Variants in BZW2 observed in about 807,000 individuals in gnomAD.
BZW2 encodes eIF5-mimic protein 1.
BZW2 carries 23 observed loss-of-function variants against 53.2 expected under a neutral mutation model. The observed-to-expected ratio is 0.43, with a 90% CI of 0.31 to 0.61. The LOEUF (loss-of-function observed/expected upper bound fraction) is 0.61, where lower values mean the gene tolerates loss of function less well. BZW2 is among the 20% of genes least tolerant of loss of function. The pLI is 0.09. For missense variants in BZW2, 409 were observed against 503.1 expected, an observed-to-expected ratio of 0.81 and a Z score of 1.79; for synonymous variants, 227 against 186.4, an observed-to-expected ratio of 1.22 and a Z score of -1.77.
At chr7:16,679,999 C>T (rs142873965) in intron 3 of BZW2, among the ~76,000 whole-genome samples, 21 of 152,074 alleles carry the variant, frequency 1.4e-4, no homozygotes, top group Non-Finnish European at 2.6e-4. Flanking sequence ...TCTATTGAGT[C>T]CATGGGGAAA....
intron 1 of BZW2, among the ~76,000 whole-genome samples, chr7:16,653,001 A>C (rs12671288): frequency 6.6e-6 from 1 of 151,658 alleles, no homozygotes; most frequent in Admixed American, 6.6e-5. Flanking sequence ...TCATGCTCTC[A>C]TTATGTAATA....
At chr7:16,697,156 C>A in intron 9 of BZW2, 95 bp downstream of exon 9, 6 of 1,377,552 alleles carry the variant, frequency 4.4e-6, no homozygotes, top group Non-Finnish European at 4.9e-6. Flanking sequence ...GTGGCACGAT[C>A]TGCGCTCACT....
At chr7:16,661,706 G>A (rs1782267203) in intron 1 of BZW2, among the ~76,000 whole-genome samples, 1 of 152,006 alleles carries the variant, frequency 6.6e-6, no homozygotes, top group Admixed American at 6.6e-5. Context: ...AGTCTCTTAG[G>A]TGACATGTGA....
intron 5 of BZW2, among the ~76,000 whole-genome samples, chr7:16,685,293 AC>A (rs548253912): frequency 1.8e-3 from 278 of 152,330 alleles, no homozygotes; most frequent in African/African-American, 6.3e-3. Context: ...TACCAAAAAA[AC>A]ATCAAGAACC....
chr7:16,659,533 A>G (rs937262809), intron 1 of BZW2, among the ~76,000 whole-genome samples: 2 of 152,146 alleles, frequency 1.3e-5, no homozygotes, highest in Non-Finnish European at 2.9e-5. Context: ...AACCCAAAAG[A>G]TTCCTAGATT....
At position 16,691,878 on chromosome 7, in the gene BZW2, CTGTGTGTG is replaced by C. The variant is rs10611881; in HGVS notation, c.651+1990_651+1997del. On this transcript the variant is annotated intron_variant, in intron 7 of 11. Coordinates refer to ENST00000258761, the MANE Select transcript of BZW2 (RefSeq NM_014038.3). Reference sequence around the variant, plus strand: ...GTCATTTAGCTGTTTTTACTAGGTTCTGTGTGTGTGTGTGTGTGTGTGTGTACATATGT... The same window carrying C: ...GTCATTTAGCTGTTTTTACTAGGTTCTGTGTGTGTGTGTGTGTACATATGT... Among the ~76,000 whole-genome samples, 671 of 149,688 alleles carry C rather than the reference CTGTGTGTG, an allele frequency of 4.5e-3. 5 individuals are homozygous for C. Among genetic ancestry groups the C allele is most frequent in the African/African-American group, 0.015 (630 of 40,988 alleles).
At chr7:16,662,483 G>A (rs77732139) in intron 1 of BZW2, among the ~76,000 whole-genome samples, 1 of 152,212 alleles carries the variant, frequency 6.6e-6, no homozygotes, top group Non-Finnish European at 1.5e-5. Context: ...GCTGTGTTTG[G>A]TGGTACTTCT....
At chr7:16,678,747 T>C (rs1782845048) in intron 3 of BZW2, among the ~76,000 whole-genome samples, 1 of 152,026 alleles carries the variant, frequency 6.6e-6, no homozygotes, top group Non-Finnish European at 1.5e-5. Flanking sequence ...TTCTTTTCTG[T>C]TTTCCCTAAG....
chr7:16,653,290 T>A (rs1782032837), intron 1 of BZW2, among the ~76,000 whole-genome samples: 1 of 152,222 alleles, frequency 6.6e-6, no homozygotes, highest in African/African-American at 2.4e-5. Flanking sequence ...TATTTCTTTT[T>A]TTTCTGAAGA....
intron 2 of BZW2, among the ~76,000 whole-genome samples, chr7:16,671,931 A>C (rs895423855): frequency 1.1e-4 from 8 of 72,064 alleles, no homozygotes; most frequent in Non-Finnish European, 2.1e-4. Context: ...ACCCTGTTTC[A>C]AAAAAAAAAA....
At chr7:16,659,479 A>C (rs913345442) in intron 1 of BZW2, among the ~76,000 whole-genome samples, 4 of 152,158 alleles carry the variant, frequency 2.6e-5, no homozygotes, top group Non-Finnish European at 4.4e-5. Flanking sequence ...AACCAACTTA[A>C]TTATTTTTTG....
chr7:16,681,567 G>A (rs761638656), intron 4 of BZW2, among the ~76,000 whole-genome samples, 163 bp downstream of exon 4: 4 of 152,096 alleles, frequency 2.6e-5, no homozygotes, highest in Non-Finnish European at 4.4e-5. Context: ...AGTGTGGCTC[G>A]AGCCTATAAT....
At chr7:16,654,680 G>A (rs746042985) in intron 1 of BZW2, among the ~76,000 whole-genome samples, 20 of 150,648 alleles carry the variant, frequency 1.3e-4, no homozygotes, top group Admixed American at 5.3e-4. Flanking sequence ...GGTTACAGGC[G>A]TGCAACACCA....
intron 2 of BZW2, among the ~76,000 whole-genome samples, chr7:16,667,000 G>C (rs1461870504): frequency 6.6e-6 from 1 of 152,068 alleles, no homozygotes; most frequent in Non-Finnish European, 1.5e-5. Flanking sequence ...AGCTGAACTG[G>C]GGCCAGGCGT....
At chr7:16,690,540 A>T (rs1249885135) in intron 7 of BZW2, among the ~76,000 whole-genome samples, 1 of 152,158 alleles carries the variant, frequency 6.6e-6, no homozygotes, top group Non-Finnish European at 1.5e-5. Context: ...TAAGGTTTTA[A>T]TATGATAAAA....
rs138755937 is a variant in BZW2 at position 16,684,460 on chromosome 7, GTTA to G, written c.406-1439_406-1437del. Among the ~76,000 whole-genome samples, 173 of 152,230 alleles carry G rather than the reference GTTA, an allele frequency of 1.1e-3. No homozygotes were observed. In the East Asian group the frequency reaches 0.028, roughly 24 times the overall value. On this transcript the variant is annotated intron_variant, in intron 5 of 11. Coordinates refer to ENST00000258761, the MANE Select transcript of BZW2 (RefSeq NM_014038.3). ...TTGATTAATATAATTGAGCAATGTG[GTTA>G]TTATTTTTATGATGATCTAATTTTT...
chr7:16,698,041 G>A lies in BZW2; in HGVS notation c.970-7G>A, dbSNP rs962306093. On this transcript the variant is annotated splice_region_variant and splice_polypyrimidine_tract_variant and intron_variant, in intron 9 of 11. Transcript: ENST00000258761. ...GTGACGGCTTTTACTCTCCACTTCTGTTCTAGCAATATGCTCCCCTGCTGG... is the reference window on the plus strand; with the variant it reads ...GTGACGGCTTTTACTCTCCACTTCTATTCTAGCAATATGCTCCCCTGCTGG... 2.5e-6 allele frequency: 4 copies of A among 1,613,924 alleles called. No homozygotes were observed. The highest frequency in any genetic ancestry group is 1.1e-5 in the South Asian group (1 of 91,070).
At position 16,695,096 on chromosome 7, in the gene BZW2, C is replaced by A; in HGVS notation, c.822+92C>A. 4.1e-6 allele frequency: 5 copies of A among 1,218,534 alleles called. No individual in the cohort carries two copies. The South Asian group carries it at 1.3e-4, about 31-fold the overall frequency. The allele number at this position is 1,218,534 out of a possible 1,614,324, so 75.5% of individuals were successfully genotyped here. A position where few individuals can be genotyped will look rare whatever the true frequency, so the allele number is the denominator to read the frequency against. ...CAAAGGCTTTCCTTAACAAGTCTGT[C>A]CTATGCTTATTGCTGTAAACTTTGT... On this transcript the variant is annotated intron_variant, in intron 8 of 11. Transcript: ENST00000258761.
chr7:16,657,718 A>C (rs1269089211), intron 1 of BZW2, among the ~76,000 whole-genome samples: 2 of 152,124 alleles, frequency 1.3e-5, no homozygotes, highest in Non-Finnish European at 2.9e-5. Context: ...GTATTTGGCA[A>C]ATACGAGTAA....
Sources: allele counts gnomAD v4.1 joint callset (sites outside exome capture counted in the v4.1 genomes callset), GRCh38; gene constraint gnomAD v4.1.1; transcripts MANE v1.5; gene names NCBI Gene and HGNC (gene_info 2026-07-23, HGNC 2026-07-21).